Variants in FRMD5 observed in about 807,000 individuals in gnomAD.
FRMD5 encodes the protein FERM domain containing 5.
A neutral mutation model predicts 69.0 loss-of-function variants in FRMD5; 20 were observed. The ratio of observed to expected loss-of-function variants is 0.29; its 90% confidence interval spans 0.20 to 0.42. The LOEUF is 0.42. FRMD5 is among the 10% of genes least tolerant of loss of function. The pLI, the probability that FRMD5 is intolerant of heterozygous loss-of-function variation, is 1.00. For missense variants in FRMD5, 595 were observed against 708.6 expected (o/e 0.84, Z 1.82); for synonymous variants, 271 against 260.1 (o/e 1.04, Z -0.40).
chr15:43,938,981 C>T (rs1202833981), intron 1 of FRMD5, among the ~76,000 whole-genome samples: 3 of 152,090 alleles, frequency 2.0e-5, no homozygotes, highest in African/African-American at 7.2e-5. Flanking sequence ...CCAACCTCAG[C>T]CTCCCGAGTA....
intron 1 of FRMD5, among the ~76,000 whole-genome samples, chr15:43,966,733 G>A (rs181432551): frequency 5.9e-5 from 9 of 152,322 alleles, no homozygotes; most frequent in African/African-American, 2.2e-4. Context: ...ATGGTTGTGA[G>A]GTAGCTGGAA....
chr15:43,885,744 G>C lies in FRMD5; in HGVS notation c.896C>G (p.Ser299Ter). The change falls in exon 11 of 14, where the codon TCA becomes TGA. Residue 299 changes from serine to a stop codon, truncating the protein, a stop_gained. Transcript: ENST00000417257. LOFTEE classifies it high-confidence loss of function. ...ENQAFYKLEK[S>*]SQVRTVSSSN... ...GCTGGACACTGTGCGGACTTGGCTT[G>C]ACTTCTCCAGCCTGTAGCAAGGCAA... 6.2e-7 allele frequency: 1 copy of C among 1,614,118 alleles called. No homozygotes were observed. The highest frequency in any genetic ancestry group is 8.5e-7 in the Non-Finnish European group (1 of 1,179,964).
intron 10 of FRMD5, among the ~76,000 whole-genome samples, chr15:43,887,154 G>C (rs1036034540): frequency 6.6e-5 from 10 of 152,232 alleles, no homozygotes; most frequent in African/African-American, 2.4e-4. Flanking sequence ...TAGAGAGAAA[G>C]GGAAAGCTTC....
At chr15:43,989,091 G>A in intron 1 of FRMD5, 1 of 944,108 alleles carries the variant, frequency 1.1e-6, no homozygotes, top group East Asian at 2.5e-5. Context: ...TGATGGAGGT[G>A]CCTGACTCAT....
At chr15:43,974,848 C>T (rs948350260) in intron 1 of FRMD5, among the ~76,000 whole-genome samples, 4 of 152,176 alleles carry the variant, frequency 2.6e-5, no homozygotes, top group Non-Finnish European at 5.9e-5. Flanking sequence ...GAATTTGTTA[C>T]ATGCAGATCC....
intron 1 of FRMD5, among the ~76,000 whole-genome samples, chr15:44,182,942 C>A (rs530830662): frequency 2.0e-4 from 31 of 151,998 alleles, no homozygotes; most frequent in Non-Finnish European, 3.8e-4. Flanking sequence ...ACTACAGGCG[C>A]CTGCCACCAC....
chr15:44,118,987 G>T (rs2140637634), intron 1 of FRMD5, among the ~76,000 whole-genome samples: 3 of 152,090 alleles, frequency 2.0e-5, no homozygotes, highest in Admixed American at 2.0e-4. Context: ...TTTTTAGACA[G>T]GGTCTTGCTC....
rs546431272 is a variant in FRMD5, at chr15:43,933,612, G to C, written c.103-9303C>G. ...CCTCTGTCACAATCCAACTCTGTTA[G>C]CACAAACCCCACTTTCATTAACCTT... is the stretch of plus-strand genomic sequence containing the variant. On this transcript the variant is annotated intron_variant, in intron 1 of 13. Coordinates refer to ENST00000417257, the MANE Select transcript of FRMD5 (RefSeq NM_032892.5). 4.6e-5 allele frequency among the ~76,000 whole-genome samples: 7 copies of C among 152,330 alleles called. No individual in the cohort carries two copies. The South Asian group carries it at 1.2e-3, about 27-fold the overall frequency.
chr15:43,997,654 C>CTTATG (rs10682740), intron 1 of FRMD5, among the ~76,000 whole-genome samples: 1 of 151,772 alleles, frequency 6.6e-6, no homozygotes, highest in East Asian at 1.9e-4. Context: ...GATTTCTATT[C>CTTATG]TTTTTATATT....
chr15:43,934,171 T>C (rs528553946), intron 1 of FRMD5, among the ~76,000 whole-genome samples: 1 of 152,156 alleles, frequency 6.6e-6, no homozygotes, highest in African/African-American at 2.4e-5. Context: ...GGGGTGGGTA[T>C]AGGAAATATG....
At chr15:44,011,946 T>C (rs1247630032) in intron 1 of FRMD5, among the ~76,000 whole-genome samples, 8 of 152,188 alleles carry the variant, frequency 5.3e-5, no homozygotes, top group African/African-American at 1.9e-4. Flanking sequence ...ATCAGAGGTT[T>C]CAAGTGCAAC....
intron 1 of FRMD5, among the ~76,000 whole-genome samples, chr15:43,924,957 C>T (rs1467101764): frequency 1.3e-5 from 2 of 152,056 alleles, no homozygotes; most frequent in Non-Finnish European, 2.9e-5. Flanking sequence ...ACCCTGTGCC[C>T]CAGTTCCTCT....
chr15:43,935,198 G>A (rs972904445), intron 1 of FRMD5, among the ~76,000 whole-genome samples: 2 of 152,206 alleles, frequency 1.3e-5, no homozygotes, highest in African/African-American at 4.8e-5. Context: ...TAATTCTTGG[G>A]GCCAGGCGTG....
chr15:43,989,121 C>T (rs1889540886), intron 1 of FRMD5: 1 of 1,001,156 alleles, frequency 1.0e-6, no homozygotes, highest in Admixed American at 1.7e-5. Flanking sequence ...GCTTGCTGAT[C>T]CACATCTGCT....
intron 4 of FRMD5, among the ~76,000 whole-genome samples, chr15:43,916,903 C>T (rs971810638): frequency 4.0e-5 from 6 of 151,810 alleles, no homozygotes; most frequent in Non-Finnish European, 7.4e-5. Flanking sequence ...CTCAGCCTCC[C>T]GAGAAGCAGG....
intron 1 of FRMD5, among the ~76,000 whole-genome samples, chr15:44,114,871 C>A (rs978037610): frequency 1.2e-4 from 19 of 152,096 alleles, no homozygotes; most frequent in African/African-American, 4.1e-4. Context: ...ATGACGAAGA[C>A]TGTGGCCAAC....
intron 1 of FRMD5, among the ~76,000 whole-genome samples, chr15:44,146,454 C>T (rs1249091592): frequency 6.6e-6 from 1 of 152,130 alleles, no homozygotes; most frequent in Non-Finnish European, 1.5e-5. Context: ...CTGCAGTGAA[C>T]ATACATGTGC....
chr15:44,099,187 T>C (rs2076600630), intron 1 of FRMD5, among the ~76,000 whole-genome samples: 1 of 152,214 alleles, frequency 6.6e-6, no homozygotes, highest in South Asian at 2.1e-4. Context: ...GGGAAATTAG[T>C]ATGCACATGA....
intron 1 of FRMD5, among the ~76,000 whole-genome samples, chr15:44,126,240 G>A (rs1255017183): frequency 2.6e-5 from 4 of 152,156 alleles, no homozygotes; most frequent in African/African-American, 9.7e-5. Context: ...AAGAAATATG[G>A]CTCCAACTGA....
Sources: allele counts gnomAD v4.1 joint callset (sites outside exome capture counted in the v4.1 genomes callset), GRCh38; gene constraint gnomAD v4.1.1; transcripts MANE v1.5; gene names NCBI Gene and HGNC (gene_info 2026-07-23, HGNC 2026-07-21).